Variants in C11orf58 observed in about 807,000 individuals in gnomAD.
The protein encoded by C11orf58 is small acidic protein.
In C11orf58, 5 loss-of-function variants were observed where a neutral mutation model predicts 22.7. The observed-to-expected ratio is 0.22, with a 90% confidence interval of 0.12 to 0.46. C11orf58 has a LOEUF of 0.46. C11orf58 is among the 20% of genes least tolerant of loss of function. The pLI is 0.99. For synonymous variants in C11orf58, 71 were observed against 70.7 expected, an observed-to-expected ratio of 1.00 and a Z score of -0.02; for missense variants, 151 against 223.3, an observed-to-expected ratio of 0.68 and a Z score of 2.06.
chr11:16,744,499 C>A (rs1848473497), intron 1 of C11orf58, 102 bp from the exon 2 acceptor site: 5 of 860,208 alleles, frequency 5.8e-6, no homozygotes, highest in African/African-American at 1.7e-5. Flanking sequence ...TTTATAGTTA[C>A]AACTGACAGG....
At chr11:16,748,007 A>G in intron 2 of C11orf58, 90 bp from the exon 3 acceptor site, 1 of 949,792 alleles carries the variant, frequency 1.1e-6, no homozygotes, top group Non-Finnish European at 1.7e-6. Context: ...TGTGTCCCAG[A>G]AGCCTAGAAT....
rs975158781 is a variant in C11orf58 at position 16,742,230 on chromosome 11, A to T, written c.64-2371A>T. On this transcript the variant is annotated intron_variant, in intron 1 of 4. Transcript: ENST00000228136. ...TTCTATACATTTTTATAACTAGTTC[A>T]TAGACCACTTTCATCTGTCTCATTT... Among the ~76,000 whole-genome samples the T allele has an allele frequency of 7.2e-5, 11 of 152,344 alleles. No individual in the cohort carries two copies. The East Asian group carries it at 2.1e-3, about 29-fold the overall frequency.
Position 16,738,675 on chromosome 11 carries a change from T to C in C11orf58, c.-104T>C. 7.7e-7 allele frequency: 1 copy of C among 1,298,526 alleles called. No individual in the cohort carries two copies. Among genetic ancestry groups the C allele is most frequent in the Non-Finnish European group, 1.1e-6 (1 of 897,092 alleles). 80.4% of individuals were successfully genotyped at this position (1,298,526 alleles called of 1,614,324 possible). ...GAAGGCCCGGAGGGGCTCTGCGTTC[T>C]GTAGTGGCGCTGCTTGGGCCCTTGG... is the stretch of plus-strand genomic sequence containing the variant. On this transcript the variant is annotated 5_prime_UTR_variant, in exon 1 of 5. Transcript: ENST00000228136.
intron 4 of C11orf58, chr11:16,754,083 CTT>C: frequency 2.5e-6 from 1 of 400,004 alleles, no homozygotes; most frequent in Non-Finnish European, 4.4e-6. Context: ...TTTAGGAGAG[CTT>C]TTTTATTTTT....
intron 4 of C11orf58, among the ~76,000 whole-genome samples, chr11:16,753,651 C>T (rs925934748): frequency 1.8e-4 from 27 of 152,134 alleles, no homozygotes; most frequent in Admixed American, 9.8e-4. Context: ...GCTTGAACCA[C>T]CATGTCCAGC....
intron 1 of C11orf58, among the ~76,000 whole-genome samples, chr11:16,739,788 T>A (rs987847389): frequency 2.6e-5 from 4 of 152,138 alleles, no homozygotes; most frequent in Non-Finnish European, 4.4e-5. Context: ...ATCTAGGTTT[T>A]TTTTCGGTTT....
chr11:16,755,058 C>T lies in C11orf58; in HGVS notation c.506C>T (p.Ala169Val). 6.2e-7 allele frequency: 1 copy of T among 1,614,032 alleles called. No homozygotes were observed. ...GAGGATCCCAAAAACAAAAAAGATG[C>T]AAAAAGCAATTATAAAATGATGTTT... Reference protein sequence around the residue: ...EVEDPKNKKDAKSNYKMMFVK... With the variant: ...EVEDPKNKKDVKSNYKMMFVK... The change falls in exon 5 of 5, where the codon GCA becomes GTA. Residue 169 changes from alanine (A) to valine (V), a missense_variant. Ala to Val is a moderately conservative substitution (Grantham distance 64). This residue lies in a region of C11orf58 where 112 missense variants were observed against 162.6 expected (regional missense o/e 0.69). Coordinates refer to ENST00000228136, the MANE Select transcript of C11orf58 (RefSeq NM_014267.6).
chr11:16,752,955 G>A, intron 4 of C11orf58, 61 bp downstream of exon 4: 1 of 1,276,570 alleles, frequency 7.8e-7, no homozygotes, highest in Non-Finnish European at 1.1e-6. Context: ...ACCATTTATT[G>A]CTGTTAGATT....
chr11:16,746,940 A>T (rs1848492107), intron 2 of C11orf58: 2 of 152,206 alleles, frequency 1.3e-5, no homozygotes, highest in African/African-American at 4.8e-5. Flanking sequence ...TGGCCCATAG[A>T]TTAAATTCTT....
At chr11:16,743,972 T>C (rs1848468316) in intron 1 of C11orf58, among the ~76,000 whole-genome samples, 1 of 151,944 alleles carries the variant, frequency 6.6e-6, no homozygotes. Flanking sequence ...AAAATAAGTT[T>C]TCTCTTTGTT....
intron 3 of C11orf58, chr11:16,750,800 A>G (rs979557865): frequency 2.6e-5 from 4 of 152,590 alleles, no homozygotes; most frequent in Non-Finnish European, 5.9e-5. Flanking sequence ...TGAATTGGTC[A>G]TTTTGTATCG....
In C11orf58 at chr11:16,738,860, G is replaced by A; in HGVS notation, c.63+19G>A. ...CGACGATGTAAATAATAATGGCGGA[G>A]TGGCTGAGGGTTGAGGCCTACTAAA... On this transcript the variant is annotated intron_variant, in intron 1 of 4. Coordinates refer to ENST00000228136, the MANE Select transcript of C11orf58 (RefSeq NM_014267.6). The A allele has an allele frequency of 6.2e-7, 1 of 1,613,918 alleles. No homozygotes were observed. Among genetic ancestry groups the A allele is most frequent in the Non-Finnish European group, 8.5e-7 (1 of 1,179,918 alleles).
chr11:16,746,166 A>C (rs1278662817), intron 2 of C11orf58, among the ~76,000 whole-genome samples: 1 of 152,248 alleles, frequency 6.6e-6, no homozygotes, highest in Non-Finnish European at 1.5e-5. Context: ...AATTGATCTG[A>C]ATCTCAAAGG....
chr11:16,742,878 C>G (rs1293651399), intron 1 of C11orf58, among the ~76,000 whole-genome samples: 1 of 152,062 alleles, frequency 6.6e-6, no homozygotes, highest in Non-Finnish European at 1.5e-5. Flanking sequence ...ACCCACCCAC[C>G]TCTTTGGCAA....
intron 1 of C11orf58, among the ~76,000 whole-genome samples, chr11:16,740,105 TGG>T (rs921639873): frequency 8.5e-5 from 13 of 152,208 alleles, no homozygotes; most frequent in African/African-American, 2.9e-4. Context: ...CTTGTTAATA[TGG>T]TAATTCAGGT....
At chr11:16,743,501 TTA>T (rs1848463892) in intron 1 of C11orf58, among the ~76,000 whole-genome samples, 1 of 152,238 alleles carries the variant, frequency 6.6e-6, no homozygotes, top group African/African-American at 2.4e-5. Flanking sequence ...GCAGTTAATT[TTA>T]TCATGATTAG....
At chr11:16,739,828 A>G (rs78462044) in intron 1 of C11orf58, among the ~76,000 whole-genome samples, 1 of 152,186 alleles carries the variant, frequency 6.6e-6, no homozygotes, top group Non-Finnish European at 1.5e-5. Context: ...TTCTGAATAC[A>G]TAGAGCTTTA....
At chr11:16,746,851 C>T (rs1848491501) in intron 2 of C11orf58, 1 of 152,048 alleles carries the variant, frequency 6.6e-6, no homozygotes, top group South Asian at 2.1e-4. Flanking sequence ...CAGGGCTTCA[C>T]CGTTTGAACT....
chr11:16,749,314 G>T (rs1316195511), intron 3 of C11orf58: 1 of 152,164 alleles, frequency 6.6e-6, no homozygotes, highest in African/African-American at 2.4e-5. Flanking sequence ...GCACATTTTA[G>T]AAATTCATAG....
Sources: allele counts gnomAD v4.1 joint callset (sites outside exome capture counted in the v4.1 genomes callset), GRCh38; gene constraint gnomAD v4.1.1; regional missense constraint gnomAD v4.1.1; transcripts MANE v1.5; gene names NCBI Gene and HGNC (gene_info 2026-07-23, HGNC 2026-07-21).